Variants in PRKAR2A observed in about 807,000 individuals in gnomAD.
The protein encoded by PRKAR2A is protein kinase cAMP-dependent type II regulatory subunit alpha.
In PRKAR2A, 29 loss-of-function variants were observed where a neutral mutation model predicts 51.9. The observed-to-expected ratio is 0.56, with a 90% CI of 0.42 to 0.76. PRKAR2A has a LOEUF of 0.76. Among genes scored for constraint, PRKAR2A ranks in the 30% least tolerant of loss-of-function variants. The pLI, the probability that PRKAR2A is intolerant of heterozygous loss-of-function variation, is 0.00. For missense variants in PRKAR2A, 445 were observed against 512.1 expected, an observed-to-expected ratio of 0.87 and a Z score of 1.26; for synonymous variants, 178 against 186.2, an observed-to-expected ratio of 0.96 and a Z score of 0.36.
intron 1 of PRKAR2A, among the ~76,000 whole-genome samples, chr3:48,817,325 CAATAAATAAATAAATAAATAAATAAATA>C (rs10545720): frequency 7.2e-6 from 1 of 139,064 alleles, no homozygotes; most frequent in South Asian, 2.4e-4. Flanking sequence ...GACTACGTCT[CAATAAATAAATAAATAAATAAATAAATA>C]AATAAATAAA....
Position 48,799,919 on chromosome 3 carries a change from GCA to G in PRKAR2A, c.299-5872_299-5871del, listed in dbSNP as rs973928518. Among the ~76,000 whole-genome samples the G allele has an allele frequency of 4.6e-5, 7 of 152,206 alleles. 1 individual carries two copies. The highest frequency in any genetic ancestry group is 4.6e-4 in the Admixed American group (7 of 15,276). ...CTGTTGCCCAGGCTGCAGTGCAATG[GCA>G]CAGTCTTGGCTCACTGCAACCTCCA... On this transcript the variant is annotated intron_variant, in intron 2 of 10. Transcript: ENST00000265563.
At chr3:48,786,415 G>A (rs1447835653) in intron 4 of PRKAR2A, among the ~76,000 whole-genome samples, 4 of 150,196 alleles carry the variant, frequency 2.7e-5, no homozygotes, top group East Asian at 2.0e-4. Context: ...ATGAGCCATC[G>A]CGCCCGGCTG....
chr3:48,794,029 G>A lies in PRKAR2A; in HGVS notation c.319C>T (p.Pro107Ser), dbSNP rs746644588. ...TCTGTATCTTCCTCTTCCTCATCAGGGTTATAGGTCTCAGCACAGACTAAA... is the reference window on the plus strand; with the variant it reads ...TCTGTATCTTCCTCTTCCTCATCAGAGTTATAGGTCTCAGCACAGACTAAA... ...RVSVCAETYNPDEEEEDTDPR... is the reference protein window; with the variant it reads ...RVSVCAETYNSDEEEEDTDPR... The change falls in exon 3 of 11, where the codon CCT (proline) becomes TCT (serine). Residue 107 changes from proline (P) to serine (S), a missense_variant. By Grantham distance (74) the Pro-to-Ser change is moderately conservative. Coordinates refer to ENST00000265563, the MANE Select transcript of PRKAR2A (RefSeq NM_004157.4). 1 of 1,605,416 alleles carries A rather than the reference G, an allele frequency of 6.2e-7. No homozygotes were observed. Among genetic ancestry groups the A allele is most frequent in the Admixed American group, 1.7e-5 (1 of 59,926 alleles).
intron 1 of PRKAR2A, among the ~76,000 whole-genome samples, chr3:48,828,146 G>A (rs1259579370): frequency 3.3e-5 from 5 of 152,164 alleles, no homozygotes; most frequent in African/African-American, 7.2e-5. Context: ...GATTACAGGC[G>A]TGAGCCAACG....
rs1374251395 is a variant in PRKAR2A, at chr3:48,828,723, A to AG, written c.262+18611_262+18612insC. ...CCCCTGTCTCCAAAAAAAAAAAAAA[A>AG]AAAAAAGAAAGAAAGAAAAATTGAT... On this transcript the variant is annotated intron_variant, in intron 1 of 10. Transcript: ENST00000265563. 7.3e-5 allele frequency among the ~76,000 whole-genome samples: 11 copies of AG among 151,400 alleles called. No homozygotes were observed. The East Asian group carries it at 1.7e-3, about 24-fold the overall frequency.
At chr3:48,775,873 C>A (rs1007509714) in intron 5 of PRKAR2A, among the ~76,000 whole-genome samples, 3 of 151,878 alleles carry the variant, frequency 2.0e-5, no homozygotes, top group African/African-American at 7.3e-5. Flanking sequence ...TTTGGGAGGC[C>A]GAGGTGAGTG....
rs553668663 is a variant in PRKAR2A, at chr3:48,747,463, G to A, written c.*4122C>T. ...CGATATCACTGTGTGCAGAGAAAAC[G>A]GGCAATCAGAGGATAAACATAACCT... On this transcript the variant is annotated 3_prime_UTR_variant, in exon 11 of 11. Transcript: ENST00000265563. 6.6e-6 allele frequency: 1 copy of A among 152,176 alleles called. No individual in the cohort carries two copies. Among genetic ancestry groups the A allele is most frequent in the African/African-American group, 2.4e-5 (1 of 41,546 alleles). The allele number at this position is 152,176 out of a possible 1,614,324, so 9.4% of individuals were successfully genotyped here. A position where few individuals can be genotyped will look rare whatever the true frequency, so the allele number is the denominator to read the frequency against.
chr3:48,839,979 T>C (rs1236443410), intron 1 of PRKAR2A, among the ~76,000 whole-genome samples: 2 of 152,192 alleles, frequency 1.3e-5, no homozygotes, highest in African/African-American at 2.4e-5. Flanking sequence ...ACTTTTTCAT[T>C]ATCCCAAACT....
Position 48,772,954 on chromosome 3 carries a change from C to T in PRKAR2A, c.696+1G>A. The T allele has an allele frequency of 1.2e-6, 2 of 1,610,650 alleles. No individual in the cohort carries two copies. The highest frequency in any genetic ancestry group is 8.5e-7 in the Non-Finnish European group (1 of 1,178,318). On this transcript the variant is annotated splice_donor_variant, in intron 6 of 10. Transcript: ENST00000265563. LOFTEE classifies it high-confidence loss of function. ...CAAGGGGAACGATTTCTCTCACTCA[C>T]CAGTCCCCAAAGGGAGCCTTCTGAG...
intron 1 of PRKAR2A, among the ~76,000 whole-genome samples, chr3:48,813,641 C>G (rs2082819053): frequency 6.6e-6 from 1 of 152,112 alleles, no homozygotes; most frequent in African/African-American, 2.4e-5. Flanking sequence ...TTGCAGTGAG[C>G]CGAGATTGTG....
At chr3:48,840,974 T>G (rs13078308) in intron 1 of PRKAR2A, among the ~76,000 whole-genome samples, 95,001 of 144,052 alleles carry the variant, frequency 0.66, 31,986 homozygotes, top group East Asian at 0.96. Context: ...CTCCACCTCC[T>G]GGGTTCAAAA....
chr3:48,764,878 G>A, intron 8 of PRKAR2A, 126 bp downstream of exon 8: 1 of 751,748 alleles, frequency 1.3e-6, no homozygotes, highest in Non-Finnish European at 2.2e-6. Flanking sequence ...ACCTGCCTCA[G>A]CCTCCCGAAG....
intron 1 of PRKAR2A, among the ~76,000 whole-genome samples, chr3:48,842,116 A>G (rs1268081355): frequency 1.3e-5 from 2 of 152,156 alleles, no homozygotes; most frequent in East Asian, 3.8e-4. Context: ...TTCTCCTTGA[A>G]GAGGTCCTTC....
rs35380085 is a variant in PRKAR2A at position 48,791,285 on chromosome 3, TAAAA to T, written c.352-662_352-659del. Among the ~76,000 whole-genome samples the T allele has an allele frequency of 2.1e-4, 9 of 43,778 alleles. No individual in the cohort carries two copies. The East Asian group carries it at 3.0e-3, about 15-fold the overall frequency. 28.7% of individuals were successfully genotyped at this position (43,778 alleles called of 152,430 possible). ...CTAGCGACAGAGAGAGATTCCATCT[TAAAA>T]AAAAAAAAAAAAAAAAAAAAAAAAG... On this transcript the variant is annotated intron_variant, in intron 3 of 10. Transcript: ENST00000265563.
rs143624387 is a variant in PRKAR2A at position 48,814,635 on chromosome 3, C to A, written c.263-6951G>T. On this transcript the variant is annotated intron_variant, in intron 1 of 10. Coordinates refer to ENST00000265563, the MANE Select transcript of PRKAR2A (RefSeq NM_004157.4). ...GTAATGCCTTGTTCCATTTGTATTT[C>A]CAGAAAGTTCCATGAGTCTGACATG... Among the ~76,000 whole-genome samples, 5 of 152,200 alleles carry A rather than the reference C, an allele frequency of 3.3e-5. No homozygotes were observed. In the East Asian group the frequency reaches 9.6e-4, roughly 29 times the overall value.
chr3:48,827,180 A>G (rs1421606240), intron 1 of PRKAR2A, among the ~76,000 whole-genome samples: 5 of 152,082 alleles, frequency 3.3e-5, no homozygotes, highest in African/African-American at 4.8e-5. Flanking sequence ...TTGGGCTGAG[A>G]AACCAACCAA....
intron 2 of PRKAR2A, among the ~76,000 whole-genome samples, chr3:48,804,803 C>G (rs1043725934): frequency 6.6e-6 from 1 of 152,070 alleles, no homozygotes. Context: ...GAAGGCCAGA[C>G]ATTGGAAGAA....
intron 2 of PRKAR2A, 50 bp from the exon 3 acceptor site, chr3:48,794,099 G>A (rs2082447655): frequency 7.1e-7 from 1 of 1,406,442 alleles, no homozygotes; most frequent in Non-Finnish European, 9.8e-7. Context: ...CAGATGTGTG[G>A]CTTTAGGAAA....
At position 48,773,010 on chromosome 3, in the gene PRKAR2A, T is replaced by C. The variant is rs773371525; in HGVS notation, c.641A>G (p.Asn214Ser). 2.5e-6 allele frequency: 4 copies of C among 1,613,918 alleles called. No homozygotes were observed. The highest frequency in any genetic ancestry group is 3.3e-5 in the Admixed American group (2 of 59,984). The change falls in exon 6 of 11, where the codon AAC becomes AGC. Residue 214 changes from asparagine to serine, a missense_variant. Asn to Ser is a conservative substitution (Grantham distance 46, BLOSUM62 1). Transcript: ENST00000265563. ...AACAATGGTAGCAGCTCTCGGGGTG[T>C]TGTACATCAGAGCTAGTTCTCCAAA... ...GSFGELALMY[N>S]TPRAATIVAT...
Sources: allele counts gnomAD v4.1 joint callset (sites outside exome capture counted in the v4.1 genomes callset), GRCh38; gene constraint gnomAD v4.1.1; transcripts MANE v1.5; gene names NCBI Gene and HGNC (gene_info 2026-07-23, HGNC 2026-07-21).